PLCXD1: variants seen among roughly 807,000 people sequenced by gnomAD.
PLCXD1 encodes the protein phosphatidylinositol specific phospholipase C X domain containing 1.
A neutral mutation model predicts 37.8 loss-of-function variants in PLCXD1; 45 were observed. That is an observed-to-expected ratio of 1.19 (90% CI 0.94 to 1.53). The LOEUF (loss-of-function observed/expected upper bound fraction) is 1.53. PLCXD1 is among the 40% of genes most tolerant of loss of function. The pLI is 0.00. For synonymous variants in PLCXD1, 246 were observed against 206.9 expected (o/e 1.19, Z -1.62); for missense variants, 539 against 454.7 (o/e 1.19, Z -1.69).
At chrX:290,448 C>T (rs2069594086) in intron 3 of PLCXD1, among the ~76,000 whole-genome samples, 200 bp from the exon 4 acceptor site, 1 of 151,202 alleles carries the variant, frequency 6.6e-6, no homozygotes, top group East Asian at 1.9e-4. Context: ...AAAAAAAAGG[C>T]CAGGTCCCCG....
Position 291,492 on chromosome X carries a change from T to A in PLCXD1, c.394-7T>A. 6.2e-7 allele frequency: 1 copy of A among 1,611,614 alleles called. No individual in the cohort carries two copies. Among genetic ancestry groups the A allele is most frequent in the Non-Finnish European group, 8.5e-7 (1 of 1,179,604 alleles). ...TGCAGGACTCAGCCCAGCACCCCCCTCCCCAGGACACACTCACGGAAATCT... is the reference window on the plus strand; with the variant it reads ...TGCAGGACTCAGCCCAGCACCCCCCACCCCAGGACACACTCACGGAAATCT... On this transcript the variant is annotated splice_region_variant and splice_polypyrimidine_tract_variant and intron_variant, in intron 4 of 6. Transcript: ENST00000381657.
intron 6 of PLCXD1, among the ~76,000 whole-genome samples, chrX:295,881 C>T (rs1464454533): frequency 6.6e-6 from 1 of 151,796 alleles, no homozygotes; most frequent in Non-Finnish European, 1.5e-5. Context: ...GCTCTTGTTG[C>T]CCAGGCTAGA....
At chrX:284,810 G>T (rs1441804234) in intron 2 of PLCXD1, among the ~76,000 whole-genome samples, 1 of 152,158 alleles carries the variant, frequency 6.6e-6, no homozygotes, top group African/African-American at 2.4e-5. Flanking sequence ...TCACAATCAC[G>T]GCAGAAGGTG....
chrX:292,321 T>G (rs183284980), intron 5 of PLCXD1, among the ~76,000 whole-genome samples: 5 of 151,550 alleles, frequency 3.3e-5, no homozygotes, highest in Admixed American at 3.3e-4. Flanking sequence ...TAGCCGGGCG[T>G]GGTGGCGGGC....
chrX:287,498 ATACTATATATGTTTATATATAGATATAG>A, intron 2 of PLCXD1, among the ~76,000 whole-genome samples: 1 of 127,188 alleles, frequency 7.9e-6, no homozygotes, highest in Non-Finnish European at 1.6e-5. Context: ...ATAGATATAG[ATACTATATATGTTTATATATAGATATAG>A]ATACTATATA....
intron 2 of PLCXD1, among the ~76,000 whole-genome samples, chrX:284,599 CGCACACACGCACACAT>C (rs982900954): frequency 2.4e-4 from 15 of 61,512 alleles, no homozygotes; most frequent in African/African-American, 6.5e-4. Context: ...CACGCACACA[CGCACACACGCACACAT>C]GCACATCTGC....
intron 2 of PLCXD1, among the ~76,000 whole-genome samples, chrX:287,932 T>C (rs1004057163): frequency 4.6e-5 from 7 of 152,084 alleles, no homozygotes; most frequent in Non-Finnish European, 8.8e-5. Context: ...CTCCCAGTTC[T>C]AGATACAGAA....
chrX:291,815 T>G (rs1437337069), intron 5 of PLCXD1, among the ~76,000 whole-genome samples, 161 bp downstream of exon 5: 2 of 152,096 alleles, frequency 1.3e-5, no homozygotes, highest in Admixed American at 1.3e-4. Flanking sequence ...TGGGGGGCCC[T>G]GGCTGACCCG....
intron 2 of PLCXD1, among the ~76,000 whole-genome samples, chrX:285,622 CACAT>C (rs2069429209): frequency 6.7e-6 from 1 of 149,344 alleles, no homozygotes; most frequent in East Asian, 1.9e-4. Context: ...TACACAGGCA[CACAT>C]GCACATGCAC....
intron 5 of PLCXD1, 69 bp from the exon 6 acceptor site, chrX:292,966 C>G (rs2069682879): frequency 9.0e-7 from 1 of 1,106,262 alleles, no homozygotes; most frequent in Non-Finnish European, 1.3e-6. Context: ...GACTTCCCAG[C>G]CCTCCGCTCT....
intron 3 of PLCXD1, among the ~76,000 whole-genome samples, chrX:290,026 C>T (rs1451836131): frequency 6.6e-6 from 1 of 151,974 alleles, no homozygotes; most frequent in Non-Finnish European, 1.5e-5. Flanking sequence ...GGTGCGATCT[C>T]AGCTTCCTGC....
upstream of PLCXD1, among the ~76,000 whole-genome samples, chrX:277,943 CGTGGGGACAGGT>C (rs1194698779): frequency 7.2e-5 from 1 of 13,940 alleles, no homozygotes; most frequent in Non-Finnish European, 1.5e-4. Flanking sequence ...TCAGGGGGAA[CGTGGGGACAGGT>C]GTGGGGATAG....
At chrX:278,943 G>A (rs2069207239), upstream of PLCXD1, among the ~76,000 whole-genome samples, 2 of 152,242 alleles carry the variant, frequency 1.3e-5, no homozygotes, top group East Asian at 3.9e-4. Flanking sequence ...CCCCCGAACA[G>A]GCTTTGTGTG....
chrX:296,175 C>G (rs950289735), intron 6 of PLCXD1, among the ~76,000 whole-genome samples: 2 of 151,856 alleles, frequency 1.3e-5, no homozygotes, highest in Non-Finnish European at 2.9e-5. Context: ...GGCTGGAGTG[C>G]AATGGCGTGA....
intron 5 of PLCXD1, among the ~76,000 whole-genome samples, chrX:292,653 C>A (rs1226550965): frequency 6.6e-6 from 1 of 151,274 alleles, no homozygotes; most frequent in African/African-American, 2.4e-5. Context: ...CGGTCTGTCT[C>A]CCAGGCTGGA....
intron 2 of PLCXD1, among the ~76,000 whole-genome samples, chrX:284,567 CAT>C (rs1357900326): frequency 2.1e-5 from 3 of 141,634 alleles, no homozygotes; most frequent in Admixed American, 7.5e-5. Flanking sequence ...CATGTGCACA[CAT>C]ACACAGGCAT....
chrX:289,917 C>T (rs1443331666), intron 3 of PLCXD1, among the ~76,000 whole-genome samples: 4 of 152,138 alleles, frequency 2.6e-5, no homozygotes, highest in Non-Finnish European at 4.4e-5. Context: ...CTGCTAGTCC[C>T]TGGGAAACAG....
At chrX:278,815 C>A (rs1301931490), upstream of PLCXD1, among the ~76,000 whole-genome samples, 1 of 151,794 alleles carries the variant, frequency 6.6e-6, no homozygotes, top group Non-Finnish European at 1.5e-5. Context: ...GTCCTGACGA[C>A]CTGTGCCCTA....
At chrX:291,110 C>T (rs1296138037) in intron 4 of PLCXD1, among the ~76,000 whole-genome samples, 1 of 151,626 alleles carries the variant, frequency 6.6e-6, no homozygotes, top group African/African-American at 2.4e-5. Flanking sequence ...ACAGGAGACA[C>T]TGACCCCGCC....
Sources: gnomAD v4.1 joint callset for allele counts (sites outside exome capture counted in the v4.1 genomes callset) on GRCh38, gnomAD v4.1.1 for gene constraint, MANE v1.5 for transcripts, NCBI Gene and HGNC (gene_info 2026-07-23, HGNC 2026-07-21) for gene names.